The following INTS7 variants were observed in gnomAD, a reference collection of about 807,000 sequenced individuals.
INTS7 encodes chromosome 1 open reading frame 73.
A neutral mutation model predicts 109.2 loss-of-function variants in INTS7; 46 were observed. The observed-to-expected ratio is 0.42, with a 90% confidence interval of 0.33 to 0.54. The LOEUF is 0.54. INTS7 is among the 20% of genes least tolerant of loss of function. The pLI, the probability that INTS7 is intolerant of heterozygous loss-of-function variation, is 0.07. For missense variants in INTS7, 929 were observed against 1,132.4 expected (o/e 0.82, Z 2.58); for synonymous variants, 412 against 402.9 (o/e 1.02, Z -0.27).
chr1:212,002,174 C>G (rs77731447), intron 7 of INTS7, among the ~76,000 whole-genome samples: 1 of 152,288 alleles, frequency 6.6e-6, no homozygotes, highest in East Asian at 1.9e-4. Context: ...TACACTATAC[C>G]AGGAAATCCA....
chr1:212,016,754 TC>T, intron 4 of INTS7, 131 bp downstream of exon 4: 1 of 691,458 alleles, frequency 1.4e-6, no homozygotes, highest in Non-Finnish European at 2.4e-6. Context: ...AGGTAAACCT[TC>T]TTGGAAAACA....
chr1:211,963,141 A>C (rs1663718368), intron 16 of INTS7, among the ~76,000 whole-genome samples: 1 of 152,210 alleles, frequency 6.6e-6, no homozygotes, highest in Non-Finnish European at 1.5e-5. Flanking sequence ...ATAAAGAGAG[A>C]AGATCCAAGT....
Position 211,946,561 on chromosome 1 carries a change from C to A in INTS7, c.2415+46G>T, listed in dbSNP as rs756039409. 1.8e-6 allele frequency: 2 copies of A among 1,112,048 alleles called. No individual in the cohort carries two copies. Among genetic ancestry groups the A allele is most frequent in the African/African-American group, 1.6e-5 (1 of 64,504 alleles). 68.9% of individuals were successfully genotyped at this position (1,112,048 alleles called of 1,614,324 possible). ...TGTCCTACATAATCTTCAGAAGACA[C>A]CTGGTTTTAAAACCTATATTAACCT... On this transcript the variant is annotated intron_variant, in intron 18 of 19. Coordinates refer to ENST00000366994, the MANE Select transcript of INTS7 (RefSeq NM_015434.4). The surrounding 1 kb of genome is among the most constrained non-coding windows in gnomAD (Gnocchi z 4.3).
At position 211,987,646 on chromosome 1, in the gene INTS7, A is replaced by G. The variant is rs191897083; in HGVS notation, c.997+240T>C. Among the ~76,000 whole-genome samples, 11 of 152,250 alleles carry G rather than the reference A, an allele frequency of 7.2e-5. No individual in the cohort carries two copies. In the East Asian group the frequency reaches 2.1e-3, roughly 29 times the overall value. On this transcript the variant is annotated intron_variant, in intron 8 of 19. Transcript: ENST00000366994. Reference sequence around the variant, plus strand: ...CTCAAAAATATTTTCACCCACATATAATTCAAAAAAAAAAGGACAAACCTA... The same window carrying G: ...CTCAAAAATATTTTCACCCACATATGATTCAAAAAAAAAAGGACAAACCTA...
At chr1:211,958,198 C>T (rs1381788791) in intron 16 of INTS7, among the ~76,000 whole-genome samples, 1 of 152,016 alleles carries the variant, frequency 6.6e-6, no homozygotes, top group Non-Finnish European at 1.5e-5. Context: ...TAGTACAGAT[C>T]TGCTGATGGC....
In INTS7 at chr1:211,942,273, G is replaced by C. The variant is rs1385385850; in HGVS notation, c.2602-162C>G. 6.6e-6 allele frequency among the ~76,000 whole-genome samples: 1 copy of C among 152,216 alleles called. No homozygotes were observed. The highest frequency in any genetic ancestry group is 1.9e-4 in the East Asian group (1 of 5,200). On this transcript the variant is annotated intron_variant, in intron 19 of 19. Transcript: ENST00000366994. The surrounding 1 kb of genome is among the most constrained non-coding windows in gnomAD (Gnocchi z 4.2). Reference sequence around the variant, plus strand: ...ACCGATGAGGAGTCTAAGGCAGACAGGTTAAGTAATGTCTCCAAAGTCACA... The same window carrying C: ...ACCGATGAGGAGTCTAAGGCAGACACGTTAAGTAATGTCTCCAAAGTCACA...
chr1:212,033,756 A>G (rs2102511828), intron 1 of INTS7, among the ~76,000 whole-genome samples: 1 of 152,296 alleles, frequency 6.6e-6, no homozygotes, highest in South Asian at 2.1e-4. Flanking sequence ...ATAAGAAAGA[A>G]ATGTATCAGA....
intron 16 of INTS7, among the ~76,000 whole-genome samples, chr1:211,964,859 T>C (rs1371838308): frequency 1.3e-5 from 2 of 151,864 alleles, no homozygotes; most frequent in East Asian, 1.9e-4. Context: ...CCCAAAATGA[T>C]AGAACCCTGG....
At chr1:211,993,214 G>C (rs1025080502) in intron 7 of INTS7, among the ~76,000 whole-genome samples, 2 of 152,234 alleles carry the variant, frequency 1.3e-5, no homozygotes, top group Non-Finnish European at 2.9e-5. Flanking sequence ...ATTATTACAA[G>C]AACTAATTCT....
At chr1:212,015,604 C>T (rs894123415) in intron 4 of INTS7, among the ~76,000 whole-genome samples, 1 of 150,228 alleles carries the variant, frequency 6.7e-6, no homozygotes, top group African/African-American at 2.4e-5. Context: ...AGGAAAACCA[C>T]AGACCCTTGT....
chr1:211,968,705 T>C lies in INTS7; in HGVS notation c.1818A>G (p.Ala606=), dbSNP rs1664020807. 1 of 1,549,272 alleles carries C rather than the reference T, an allele frequency of 6.5e-7. No homozygotes were observed. The highest frequency in any genetic ancestry group is 2.3e-5 in the East Asian group (1 of 44,006). The stretch of plus-strand genomic sequence containing the variant: ...TTAAAGGATTCAGTGGTGTACTAGC[T>C]GCCTGGGAAAAAAAAAAAAAAGAGA... The part of the protein sequence containing the change: ...FYHKGIASLT[A]ASTPLNPLSF... Residue 606 remains alanine (A), a splice_region_variant and synonymous_variant, in exon 14 of 20, where the codon GCA becomes GCG. Coordinates refer to ENST00000366994, the MANE Select transcript of INTS7 (RefSeq NM_015434.4).
chr1:211,974,268 AAAAAAAAAATATAT>A (rs1243051349), intron 13 of INTS7, among the ~76,000 whole-genome samples: 27 of 83,774 alleles, frequency 3.2e-4, no homozygotes, highest in African/African-American at 1.2e-3. Context: ...CTCTTCCCAG[AAAAAAAAAATATAT>A]ATATATATAT....
intron 16 of INTS7, among the ~76,000 whole-genome samples, 187 bp from the exon 17 acceptor site, chr1:211,952,888 T>C (rs191530879): frequency 8.5e-4 from 130 of 152,330 alleles, no homozygotes; most frequent in African/African-American, 3.1e-3. Context: ...AGCTAGTAAA[T>C]GGCAAGCCAG....
intron 10 of INTS7, among the ~76,000 whole-genome samples, chr1:211,980,042 G>A (rs1189325592): frequency 1.3e-5 from 2 of 152,068 alleles, no homozygotes; most frequent in Non-Finnish European, 2.9e-5. Flanking sequence ...CCACTGTGCT[G>A]AATCCAGCAT....
chr1:211,968,046 C>T (rs1400140238), intron 14 of INTS7, 65 bp from the exon 15 acceptor site: 8 of 855,974 alleles, frequency 9.3e-6, no homozygotes, highest in Non-Finnish European at 1.4e-5. Flanking sequence ...AACACAAAAA[C>T]CAAAACAAAA....
At chr1:211,983,129 A>G (rs1664736368) in intron 8 of INTS7, among the ~76,000 whole-genome samples, 1 of 152,210 alleles carries the variant, frequency 6.6e-6, no homozygotes, top group Non-Finnish European at 1.5e-5. Context: ...TCTGATTAAA[A>G]CAGGTATCAT....
At chr1:211,975,842 T>C (rs1360404287) in intron 12 of INTS7, among the ~76,000 whole-genome samples, 1 of 152,180 alleles carries the variant, frequency 6.6e-6, no homozygotes, top group African/African-American at 2.4e-5. Context: ...AGAATTGTCC[T>C]GCCAAGAGTG....
At chr1:211,950,822 C>T (rs1351380925) in intron 17 of INTS7, among the ~76,000 whole-genome samples, 1 of 152,096 alleles carries the variant, frequency 6.6e-6, no homozygotes, top group Non-Finnish European at 1.5e-5. Flanking sequence ...ATTCCCATTC[C>T]GTTATATTCA....
intron 7 of INTS7, among the ~76,000 whole-genome samples, chr1:211,996,921 G>C (rs918429789): frequency 6.6e-6 from 1 of 152,100 alleles, no homozygotes; most frequent in African/African-American, 2.4e-5. Flanking sequence ...CTCCTTGGTA[G>C]GTTGAAGTGT....
Sources: gnomAD v4.1 joint callset for allele counts (sites outside exome capture counted in the v4.1 genomes callset) on GRCh38, gnomAD v4.1.1 for gene constraint, Gnocchi (gnomAD v3.1) non-coding constraint, MANE v1.5 for transcripts, NCBI Gene and HGNC (gene_info 2026-07-23, HGNC 2026-07-21) for gene names.